The following SLC24A2 variants were observed in gnomAD, a reference collection of about 807,000 sequenced individuals.
SLC24A2 encodes sodium/potassium/calcium exchanger 2.
In SLC24A2, 36 loss-of-function variants were observed where a neutral mutation model predicts 62.0. The ratio of observed to expected loss-of-function variants is 0.58; its 90% CI spans 0.44 to 0.77. The LOEUF is 0.77. Among genes scored for constraint, SLC24A2 ranks in the 30% least tolerant of loss-of-function variants. SLC24A2 has a pLI of 0.00. For missense variants in SLC24A2, 846 were observed against 817.9 expected (o/e 1.03, Z -0.42); for synonymous variants, 358 against 294.0 (o/e 1.22, Z -2.23).
the SLC24A2 span, among the ~76,000 whole-genome samples, chr9:19,993,339 C>G: frequency 6.6e-6 from 1 of 152,144 alleles, no homozygotes; most frequent in African/African-American, 2.4e-5. Flanking sequence ...AAAACTTTAG[C>G]TTTTGTCCAA....
At chr9:19,985,369 A>G in the SLC24A2 span, among the ~76,000 whole-genome samples, 2 of 152,194 alleles carry the variant, frequency 1.3e-5, no homozygotes, top group African/African-American at 4.8e-5. Flanking sequence ...TAAACAAATT[A>G]TTGTATAAAC....
intron 2 of SLC24A2, among the ~76,000 whole-genome samples, chr9:19,755,581 T>C (rs1014541989): frequency 4.6e-5 from 7 of 152,170 alleles, no homozygotes; most frequent in Non-Finnish European, 1.0e-4. Flanking sequence ...TGGCCAGGCC[T>C]GTCCAACGGT....
chr9:19,826,544 G>A, the SLC24A2 span, among the ~76,000 whole-genome samples: 1 of 152,174 alleles, frequency 6.6e-6, no homozygotes, highest in African/African-American at 2.4e-5. Flanking sequence ...AGATCAAGAT[G>A]CTGGCACACC....
rs1407908580 is a variant in SLC24A2 at position 19,786,580 on chromosome 9, T to C, written c.287A>G (p.Asp96Gly). Residue 96 changes from aspartate to glycine, a missense_variant, in exon 2 of 11, where the codon GAT becomes GGT. Coordinates refer to ENST00000341998, the MANE Select transcript of SLC24A2 (RefSeq NM_020344.4). The surrounding 1 kb of genome is among the most constrained non-coding windows in gnomAD (Gnocchi z 5.0). ...TLLDLNDKIL[D>G]YTPQPPLSKE... ...AGAAAGAGGTGGCTGTGGAGTATAATCCAGAATCTTGTCATTTAAATCTAA... is the reference window on the plus strand; with the variant it reads ...AGAAAGAGGTGGCTGTGGAGTATAACCCAGAATCTTGTCATTTAAATCTAA... The C allele has an allele frequency of 1.9e-6, 3 of 1,614,214 alleles. No individual in the cohort carries two copies. Among genetic ancestry groups the C allele is most frequent in the Non-Finnish European group, 2.5e-6 (3 of 1,180,034 alleles).
At chr9:19,663,345 T>G (rs1016972410) in intron 2 of SLC24A2, among the ~76,000 whole-genome samples, 5 of 152,152 alleles carry the variant, frequency 3.3e-5, no homozygotes, top group Non-Finnish European at 5.9e-5. Flanking sequence ...GCAGAAGCCT[T>G]CCGATCGCTT....
the SLC24A2 span, among the ~76,000 whole-genome samples, chr9:20,080,440 C>T: frequency 6.6e-6 from 1 of 152,152 alleles, no homozygotes; most frequent in Non-Finnish European, 1.5e-5. Context: ...AAAGCTGAAA[C>T]TGGATCCCTT....
At chr9:19,759,582 A>T (rs1822252357) in intron 2 of SLC24A2, among the ~76,000 whole-genome samples, 1 of 152,214 alleles carries the variant, frequency 6.6e-6, no homozygotes, top group Non-Finnish European at 1.5e-5. Context: ...GACAATGTAA[A>T]AACAGATTAC....
the SLC24A2 span, among the ~76,000 whole-genome samples, chr9:20,075,317 A>G: frequency 2.0e-5 from 3 of 152,182 alleles, no homozygotes; most frequent in South Asian, 6.2e-4. Flanking sequence ...TATTACCTCC[A>G]TTTTACAGAT....
At chr9:20,229,291 C>T in the SLC24A2 span, among the ~76,000 whole-genome samples, 1 of 152,108 alleles carries the variant, frequency 6.6e-6, no homozygotes, top group East Asian at 1.9e-4. Flanking sequence ...TGATCAAGTG[C>T]TTTGACCTGT....
At chr9:20,166,566 T>A in the SLC24A2 span, among the ~76,000 whole-genome samples, 4 of 152,018 alleles carry the variant, frequency 2.6e-5, no homozygotes, top group African/African-American at 9.7e-5. Flanking sequence ...ATATATGGTA[T>A]GTTTCCTCTT....
the SLC24A2 span, among the ~76,000 whole-genome samples, chr9:20,089,177 G>A: frequency 3.9e-5 from 6 of 152,258 alleles, no homozygotes; most frequent in Admixed American, 1.3e-4. Context: ...CCAGGCTCTG[G>A]TGAGTCTGCA....
chr9:19,536,482 G>A (rs1288169708), intron 8 of SLC24A2, among the ~76,000 whole-genome samples: 1 of 89,396 alleles, frequency 1.1e-5, no homozygotes, highest in Non-Finnish European at 2.1e-5. Flanking sequence ...ATAGTTTACT[G>A]AGAATGATGG....
chr9:19,722,569 C>T (rs547033529), intron 2 of SLC24A2, among the ~76,000 whole-genome samples: 9 of 151,652 alleles, frequency 5.9e-5, no homozygotes, highest in South Asian at 2.1e-4. Context: ...GGGTATTTAT[C>T]GAAAAGAACC....
chr9:19,865,051 A>T, the SLC24A2 span, among the ~76,000 whole-genome samples: 1 of 152,098 alleles, frequency 6.6e-6, no homozygotes, highest in East Asian at 1.9e-4. Flanking sequence ...GAACAAAGTG[A>T]AAAAGAAAAT....
chr9:20,186,298 T>A, the SLC24A2 span, among the ~76,000 whole-genome samples: 1 of 152,288 alleles, frequency 6.6e-6, no homozygotes, highest in Non-Finnish European at 1.5e-5. Flanking sequence ...TGTGCCTCTA[T>A]CCTGTTTAAC....
the SLC24A2 span, among the ~76,000 whole-genome samples, chr9:20,007,835 G>A: frequency 2.1e-5 from 3 of 146,112 alleles, no homozygotes; most frequent in South Asian, 2.2e-4. Flanking sequence ...GACTTGCACA[G>A]GTGAGGGCAA....
chr9:19,911,208 A>T, the SLC24A2 span, among the ~76,000 whole-genome samples: 1 of 151,468 alleles, frequency 6.6e-6, no homozygotes, highest in Admixed American at 6.6e-5. Context: ...GAGAATGATG[A>T]TTTCCAATTT....
the SLC24A2 span, among the ~76,000 whole-genome samples, chr9:20,228,425 T>C: frequency 1.3e-5 from 2 of 151,938 alleles, no homozygotes; most frequent in East Asian, 3.9e-4. Flanking sequence ...GGAACACTGA[T>C]GATGGAGCAT....
intron 5 of SLC24A2, among the ~76,000 whole-genome samples, chr9:19,593,316 T>C (rs1416748704): frequency 2.0e-5 from 3 of 152,152 alleles, no homozygotes; most frequent in Admixed American, 6.5e-5. Context: ...TGGTACATAC[T>C]GGCTATTGAT....
Sources: allele counts gnomAD v4.1 joint callset (sites outside exome capture counted in the v4.1 genomes callset), GRCh38; gene constraint gnomAD v4.1.1; non-coding constraint Gnocchi (gnomAD v3.1); transcripts MANE v1.5; gene names NCBI Gene and HGNC (gene_info 2026-07-23, HGNC 2026-07-21).